The following PCMT1 variants were observed in gnomAD, a reference collection of about 807,000 sequenced individuals.
PCMT1 encodes protein-L-isoaspartate(D-aspartate) O-methyltransferase.
Under a neutral mutation model 29.2 loss-of-function variants are expected in PCMT1, and 9 were observed. The ratio of observed to expected loss-of-function variants is 0.31; its 90% CI spans 0.19 to 0.54. The LOEUF is 0.54. Ranked by LOEUF, PCMT1 falls within the 20% of genes least tolerant of loss-of-function variation. The pLI, the probability that PCMT1 is intolerant of heterozygous loss-of-function variation, is 0.95. For synonymous variants in PCMT1, 98 were observed against 97.5 expected (o/e 1.00, Z -0.03); for missense variants, 184 against 282.2 (o/e 0.65, Z 2.49).
intron 6 of PCMT1, among the ~76,000 whole-genome samples, chr6:149,799,444 A>C (rs10872656): frequency 0.53 from 79,907 of 152,022 alleles, 23,882 homozygotes; most frequent in East Asian, 0.83. Flanking sequence ...TTCTGAGTTG[A>C]AAATTATTTC....
chr6:149,806,000 T>A (rs1269910299), intron 7 of PCMT1, among the ~76,000 whole-genome samples: 4 of 150,940 alleles, frequency 2.7e-5, no homozygotes, highest in African/African-American at 7.3e-5. Flanking sequence ...AAAAAAAAAA[T>A]TTCTCCAGGT....
At chr6:149,754,580 C>G (rs1786444916) in intron 1 of PCMT1, among the ~76,000 whole-genome samples, 1 of 152,132 alleles carries the variant, frequency 6.6e-6, no homozygotes, top group Admixed American at 6.6e-5. Context: ...TAGTCCCTCC[C>G]TTATCCCATG....
intron 6 of PCMT1, among the ~76,000 whole-genome samples, chr6:149,800,489 C>G (rs1004273045): frequency 4.6e-5 from 7 of 151,916 alleles, no homozygotes; most frequent in African/African-American, 1.7e-4. Flanking sequence ...AAAACTACAA[C>G]AAAAAACAAA....
chr6:149,773,105 G>A (rs372113772), intron 2 of PCMT1, 33 bp from the exon 3 acceptor site: 1 of 1,555,536 alleles, frequency 6.4e-7, no homozygotes, highest in Admixed American at 1.7e-5. Context: ...TTTTACAGCT[G>A]ACTGTATCAG....
chr6:149,765,671 A>AT, intron 1 of PCMT1: 1 of 370,044 alleles, frequency 2.7e-6, no homozygotes, highest in Admixed American at 3.4e-5. Context: ...TTTATTTTTT[A>AT]TTTTTTATTT....
At chr6:149,797,805 CT>C (rs1176033388) in intron 6 of PCMT1, 5 of 151,996 alleles carry the variant, frequency 3.3e-5, no homozygotes. Context: ...ATAATTTGTT[CT>C]GGTCATTGAC....
chr6:149,774,499 A>G (rs922490155), intron 3 of PCMT1, among the ~76,000 whole-genome samples: 1 of 145,844 alleles, frequency 6.9e-6, no homozygotes, highest in Non-Finnish European at 1.5e-5. Context: ...TCAGCCTCCC[A>G]AAGTGCTGGG....
intron 3 of PCMT1, among the ~76,000 whole-genome samples, chr6:149,785,867 T>C (rs1478026738): frequency 5.9e-5 from 9 of 152,218 alleles, no homozygotes; most frequent in Non-Finnish European, 7.3e-5. Flanking sequence ...TTTCCCCCCT[T>C]TCTATTCCAC....
chr6:149,750,184 C>T (rs1786246625), intron 1 of PCMT1: 2 of 625,258 alleles, frequency 3.2e-6, no homozygotes, highest in African/African-American at 3.7e-5. Context: ...CCAGGGGCCG[C>T]TGCTGGTGGG....
At chr6:149,792,931 G>A (rs1788431558) in intron 4 of PCMT1, among the ~76,000 whole-genome samples, 1 of 152,172 alleles carries the variant, frequency 6.6e-6, no homozygotes, top group African/African-American at 2.4e-5. Flanking sequence ...GGGAGGCCAA[G>A]GCGGGCAGAT....
At chr6:149,769,871 A>G (rs1257772375) in intron 1 of PCMT1, among the ~76,000 whole-genome samples, 1 of 136,290 alleles carries the variant, frequency 7.3e-6, no homozygotes, top group African/African-American at 2.8e-5. Context: ...CTTTGAGATT[A>G]TAGGCATGGG....
chr6:149,774,798 C>T (rs1239670546), intron 3 of PCMT1, among the ~76,000 whole-genome samples: 1 of 151,148 alleles, frequency 6.6e-6, no homozygotes, highest in Non-Finnish European at 1.5e-5. Context: ...GCTCCGCCTC[C>T]TGGGTTCACG....
intron 7 of PCMT1, 78 bp from the exon 8 acceptor site, chr6:149,810,537 GT>G (rs1049152260): frequency 1.6e-5 from 16 of 1,003,634 alleles, no homozygotes; most frequent in Non-Finnish European, 2.3e-5. Context: ...TGACTTAATA[GT>G]TGTGTCTAAA....
chr6:149,766,352 T>C (rs1787084458), intron 1 of PCMT1, among the ~76,000 whole-genome samples: 2 of 152,168 alleles, frequency 1.3e-5, no homozygotes, highest in South Asian at 4.1e-4. Flanking sequence ...GGCCTCGATA[T>C]TTGAAGGACA....
At chr6:149,785,958 G>A (rs1362431631) in intron 3 of PCMT1, among the ~76,000 whole-genome samples, 6 of 150,396 alleles carry the variant, frequency 4.0e-5, no homozygotes, top group Admixed American at 2.6e-4. Context: ...CGGGCAGAGG[G>A]GCTCCTCACT....
intron 7 of PCMT1, among the ~76,000 whole-genome samples, chr6:149,806,570 T>C (rs938908528): frequency 6.6e-6 from 1 of 152,060 alleles, no homozygotes; most frequent in Non-Finnish European, 1.5e-5. Context: ...TTTCAAACTT[T>C]CCGTTTTTGT....
chr6:149,761,096 G>A (rs375930955), intron 1 of PCMT1, among the ~76,000 whole-genome samples: 1 of 150,458 alleles, frequency 6.6e-6, no homozygotes, highest in Non-Finnish European at 1.5e-5. Context: ...ATGAAGGAAG[G>A]GGATAGGTTT....
intron 3 of PCMT1, among the ~76,000 whole-genome samples, chr6:149,775,350 A>C (rs1422122203): frequency 6.6e-6 from 1 of 152,332 alleles, no homozygotes; most frequent in Admixed American, 6.5e-5. Context: ...AACCTGATAC[A>C]TTTTGAAACT....
intron 1 of PCMT1, among the ~76,000 whole-genome samples, chr6:149,756,387 C>A (rs562371814): frequency 6.8e-6 from 1 of 146,424 alleles, no homozygotes; most frequent in Non-Finnish European, 1.5e-5. Context: ...CTCTTTCTGT[C>A]GCCCAAGCTG....
Sources: allele counts gnomAD v4.1 joint callset (sites outside exome capture counted in the v4.1 genomes callset), GRCh38; gene constraint gnomAD v4.1.1; transcripts MANE v1.5; gene names NCBI Gene and HGNC (gene_info 2026-07-23, HGNC 2026-07-21).